The following KALRN variants were observed in gnomAD, a reference collection of about 807,000 sequenced individuals.
The protein encoded by KALRN is kalirin.
A neutral mutation model predicts 353.7 loss-of-function variants in KALRN; 70 were observed. That is an observed-to-expected ratio of 0.20 (90% CI 0.16 to 0.24). The LOEUF is 0.24. Among genes scored for constraint, KALRN ranks in the 10% least tolerant of loss-of-function variants. The pLI is 1.00. For missense variants in KALRN, 2,791 were observed against 3,756.7 expected, an observed-to-expected ratio of 0.74 and a Z score of 6.72; for synonymous variants, 1,391 against 1,434.8, an observed-to-expected ratio of 0.97 and a Z score of 0.69.
intron 59 of KALRN, 70 bp downstream of exon 59, chr3:124,717,455 G>C: frequency 8.9e-7 from 1 of 1,118,378 alleles, no homozygotes; most frequent in Non-Finnish European, 1.3e-6. Flanking sequence ...GGGAGGCCAA[G>C]GTGGGCGGAT....
At chr3:124,107,590 C>A (rs1459881770) in intron 1 of KALRN, among the ~76,000 whole-genome samples, 1 of 152,080 alleles carries the variant, frequency 6.6e-6, no homozygotes, top group Non-Finnish European at 1.5e-5. Flanking sequence ...CTGCCTCATG[C>A]CTGGGAAGGA....
chr3:124,334,466 C>G lies in KALRN; in HGVS notation c.1618C>G (p.Leu540Val). The G allele has an allele frequency of 6.2e-7, 1 of 1,613,828 alleles. No individual in the cohort carries two copies. The highest frequency in any genetic ancestry group is 8.5e-7 in the Non-Finnish European group (1 of 1,179,794). Residue 540 changes from leucine (L) to valine (V), a missense_variant, in exon 9 of 60, where the codon CTC (leucine) becomes GTC (valine). By Grantham distance (32) the Leu-to-Val change is conservative. Transcript: ENST00000682506. This position sits in a 1 kb window ranked among gnomAD's most constrained non-coding sequence, Gnocchi z 4.2. ...GGTGCGGCTCCACCAGCGGCTGCAGCTCTGCGTCTTCCAGCAGGATGTACA... is the reference window on the plus strand; with the variant it reads ...GGTGCGGCTCCACCAGCGGCTGCAGGTCTGCGTCTTCCAGCAGGATGTACA... ...RKVRLHQRLQ[L>V]CVFQQDVQQV...
chr3:124,141,898 C>T lies in KALRN; in HGVS notation c.74-86092C>T, dbSNP rs182066120. Among the ~76,000 whole-genome samples, 5 of 152,284 alleles carry T rather than the reference C, an allele frequency of 3.3e-5. No homozygotes were observed. The East Asian group carries it at 9.6e-4, about 29-fold the overall frequency. On this transcript the variant is annotated intron_variant, in intron 1 of 59. Coordinates refer to ENST00000682506, the MANE Select transcript of KALRN (RefSeq NM_001388419.1). ...GCAGTGTGGGCCAGTGGGAAGTGCT[C>T]AGGCTTTGGGGCTGGGAGGATCTGG...
In KALRN at chr3:124,584,686, C is replaced by T. The variant is rs1050796800; in HGVS notation, c.5182+21597C>T. ...GGCTCCCAGTAAGTCAGAGCTGCGG[C>T]CGCGGTGCGGGGAGAGCACAGCGGG... On this transcript the variant is annotated intron_variant, in intron 34 of 59. Transcript: ENST00000682506. 9 of 1,432,776 alleles carry T rather than the reference C, an allele frequency of 6.3e-6. No homozygotes were observed. The East Asian group carries it at 1.8e-4, about 29-fold the overall frequency. 88.8% of individuals were successfully genotyped at this position (1,432,776 alleles called of 1,614,324 possible).
At chr3:124,687,310 C>G (rs1332714673) in intron 51 of KALRN, among the ~76,000 whole-genome samples, 2 of 152,138 alleles carry the variant, frequency 1.3e-5, no homozygotes, top group Non-Finnish European at 2.9e-5. Context: ...GCTGTAACTC[C>G]ACCACTGCAT....
At chr3:124,159,694 GA>G (rs1301660310) in intron 1 of KALRN, among the ~76,000 whole-genome samples, 4 of 151,952 alleles carry the variant, frequency 2.6e-5, no homozygotes, top group Non-Finnish European at 5.9e-5. Flanking sequence ...CTGAGGGTAG[GA>G]ACTGTTAGAC....
chr3:124,594,737 C>T (rs1243670887), intron 34 of KALRN, among the ~76,000 whole-genome samples: 2 of 152,194 alleles, frequency 1.3e-5, no homozygotes, highest in Non-Finnish European at 2.9e-5. Context: ...CCACTTCCCA[C>T]CTTGCCTTTC....
chr3:124,171,512 T>C (rs2071825347), intron 1 of KALRN, among the ~76,000 whole-genome samples: 1 of 152,170 alleles, frequency 6.6e-6, no homozygotes. Context: ...CCTCTTGAAG[T>C]TGAGGCCTAG....
chr3:124,418,855 C>A (rs2092640346), intron 14 of KALRN, among the ~76,000 whole-genome samples: 1 of 152,044 alleles, frequency 6.6e-6, no homozygotes, highest in Admixed American at 6.6e-5. Context: ...ACACCTGGAG[C>A]TTTAAGACTT....
At chr3:124,278,903 A>C (rs2075062412) in intron 5 of KALRN, among the ~76,000 whole-genome samples, 1 of 151,984 alleles carries the variant, frequency 6.6e-6, no homozygotes. Flanking sequence ...CTTTCTAGGC[A>C]TTTTGCTTTG....
chr3:124,252,198 A>G (rs2071266443), intron 3 of KALRN, among the ~76,000 whole-genome samples: 1 of 152,090 alleles, frequency 6.6e-6, no homozygotes, highest in African/African-American at 2.4e-5. Flanking sequence ...CACCAGGGGG[A>G]ACTTTTAAAA....
At chr3:124,462,446 T>G in intron 24 of KALRN, 78 bp from the exon 25 acceptor site, 1 of 798,612 alleles carries the variant, frequency 1.3e-6, no homozygotes, top group Non-Finnish European at 2.2e-6. Context: ...CCCCACAAGT[T>G]TGAGCACCTG....
intron 51 of KALRN, among the ~76,000 whole-genome samples, chr3:124,686,381 C>T (rs902008185): frequency 2.0e-5 from 3 of 152,194 alleles, no homozygotes; most frequent in Admixed American, 1.3e-4. Flanking sequence ...GGTTAAGTGA[C>T]TTTCCCAGGA....
At chr3:124,582,146 G>A (rs6789955) in intron 34 of KALRN, among the ~76,000 whole-genome samples, 25,329 of 151,398 alleles carry the variant, frequency 0.17, 2,259 homozygotes, top group Middle Eastern at 0.2. Context: ...TCAGCCTCCC[G>A]AATAGTGGGG....
chr3:124,505,625 C>CA lies in KALRN; in HGVS notation c.4935+9219dup, dbSNP rs377741738. Among the ~76,000 whole-genome samples, 367 of 151,922 alleles carry CA rather than the reference C, an allele frequency of 2.4e-3. 1 individual carries two copies. Among genetic ancestry groups the CA allele is most frequent in the African/African-American group, 8.7e-3 (359 of 41,416 alleles). ...TCCAACCTGGAGTGAGACCCTGTCT[C>CA]AAAAAAACAAACAAAAAATAAAACA... On this transcript the variant is annotated intron_variant, in intron 33 of 59. Transcript: ENST00000682506.
In KALRN at chr3:124,719,370, G is replaced by A. The variant is rs1559891981; in HGVS notation, c.8861G>A (p.Arg2954His). ...TCTAAGATCCCCCTGGACACCTCCC[G>A]CCTAGCATGCTTCATAGAACGTCGC... ...SYSKIPLDTS[R>H]LACFIERRKH... The change falls in exon 60 of 60, where the codon CGC becomes CAC. Residue 2954 changes from arginine (R) to histidine (H), a missense_variant. By Grantham distance (29) the Arg-to-His change is conservative. This residue lies in a region of KALRN where 188 missense variants were observed against 402.9 expected (regional missense o/e 0.47). Transcript: ENST00000682506. The surrounding 1 kb of genome is among the most constrained non-coding windows in gnomAD (Gnocchi z 5.3). 2 of 1,614,092 alleles carry A rather than the reference G, an allele frequency of 1.2e-6. No homozygotes were observed. Among genetic ancestry groups the A allele is most frequent in the South Asian group, 1.1e-5 (1 of 91,076 alleles).
chr3:124,660,958 G>A lies in KALRN; in HGVS notation c.6252G>A (p.Glu2084=). 6.2e-7 allele frequency: 1 copy of A among 1,610,562 alleles called. No homozygotes were observed. Among genetic ancestry groups the A allele is most frequent in the Non-Finnish European group, 8.5e-7 (1 of 1,176,906 alleles). ...FLRYSEKAGL[E]CSDIEKAVEL... Reference sequence around the variant, plus strand: ...GATACAGTGAGAAGGCTGGTTTGGAGTGTTCAGATATTGAGGTGAGTTTTC... The same window carrying A: ...GATACAGTGAGAAGGCTGGTTTGGAATGTTCAGATATTGAGGTGAGTTTTC... Residue 2084 remains glutamate, a synonymous_variant, in exon 44 of 60, where the codon GAG becomes GAA. Coordinates refer to ENST00000682506, the MANE Select transcript of KALRN (RefSeq NM_001388419.1).
intron 30 of KALRN, 138 bp downstream of exon 30, chr3:124,491,022 T>G (rs2063102402): frequency 2.6e-6 from 2 of 770,782 alleles, no homozygotes; most frequent in Non-Finnish European, 4.1e-6. Context: ...AAATGTCTCC[T>G]ATTTGGAAAG....
At chr3:124,094,875 ATCTCCGC>A in intron 1 of KALRN, 1 of 1,614,120 alleles carries the variant, frequency 6.2e-7, no homozygotes, top group East Asian at 2.2e-5. Flanking sequence ...TATCTCTGGT[ATCTCCGC>A]TTGCTCCGGC....
Sources: allele counts gnomAD v4.1 joint callset (sites outside exome capture counted in the v4.1 genomes callset), GRCh38; gene constraint gnomAD v4.1.1; regional missense constraint gnomAD v4.1.1; non-coding constraint Gnocchi (gnomAD v3.1); transcripts MANE v1.5; gene names NCBI Gene and HGNC (gene_info 2026-07-23, HGNC 2026-07-21).